The following PRELID2 variants were observed in gnomAD, a reference collection of about 807,000 sequenced individuals.
PRELID2 encodes the protein PRELI domain containing 2, also known as PRELI domain-containing protein 2.
PRELID2 carries 25 observed loss-of-function variants against 28.4 expected under a neutral mutation model. The observed-to-expected ratio is 0.88, with a 90% CI of 0.64 to 1.23. The LOEUF (loss-of-function observed/expected upper bound fraction) is 1.23, where lower values mean the gene tolerates loss of function less well. PRELID2 is among the 50% of genes most tolerant of loss of function. The pLI is 0.00. For synonymous variants in PRELID2, 76 were observed against 71.6 expected (o/e 1.06, Z -0.31); for missense variants, 201 against 214.4 (o/e 0.94, Z 0.39).
At chr5:145,446,881 T>C in the PRELID2 span, among the ~76,000 whole-genome samples, 1 of 151,794 alleles carries the variant, frequency 6.6e-6, no homozygotes, top group South Asian at 2.1e-4. Context: ...ACCTCGTCTC[T>C]ACTAGAAATA....
intron 5 of PRELID2, among the ~76,000 whole-genome samples, chr5:145,772,903 A>G (rs1758197331): frequency 1.3e-5 from 2 of 152,236 alleles, no homozygotes; most frequent in Non-Finnish European, 2.9e-5. Context: ...TTTAAAGACA[A>G]TGTTTTTTCA....
At chr5:145,772,107 A>G (rs1758144831) in intron 5 of PRELID2, among the ~76,000 whole-genome samples, 1 of 152,284 alleles carries the variant, frequency 6.6e-6, no homozygotes, top group South Asian at 2.1e-4. Flanking sequence ...ACCTAATAAT[A>G]ATCTAAAATA....
intron 1 of PRELID2, among the ~76,000 whole-genome samples, chr5:145,685,113 G>C (rs1253389344): frequency 6.6e-6 from 1 of 152,116 alleles, no homozygotes; most frequent in Non-Finnish European, 1.5e-5. Flanking sequence ...AATACATTGA[G>C]AGAATCAGTT....
At chr5:145,600,295 T>C (rs768931816) in intron 1 of PRELID2, among the ~76,000 whole-genome samples, 1 of 151,630 alleles carries the variant, frequency 6.6e-6, no homozygotes, top group Non-Finnish European at 1.5e-5. Context: ...AACAGCTAGA[T>C]CCCGAGTAAA....
the PRELID2 span, among the ~76,000 whole-genome samples, chr5:145,458,784 A>C: frequency 1.3e-5 from 2 of 152,324 alleles, no homozygotes; most frequent in South Asian, 4.1e-4. Context: ...ATTTTGGTAC[A>C]TATTTTACAA....
the PRELID2 span, among the ~76,000 whole-genome samples, chr5:145,447,760 T>C: frequency 8.0e-6 from 1 of 124,472 alleles, no homozygotes; most frequent in African/African-American, 3.1e-5. Context: ...CTGAGAATGA[T>C]GATTTCCAAT....
intron 1 of PRELID2, among the ~76,000 whole-genome samples, chr5:145,549,331 A>C (rs1752813108): frequency 6.6e-6 from 1 of 152,230 alleles, no homozygotes. Flanking sequence ...TGAATAAATG[A>C]ATGAATGAAC....
At chr5:145,496,732 G>C (rs1276871854) in intron 1 of PRELID2, among the ~76,000 whole-genome samples, 1 of 152,020 alleles carries the variant, frequency 6.6e-6, no homozygotes, top group East Asian at 1.9e-4. Flanking sequence ...CCTTTCACAA[G>C]TGCCAAACCT....
the PRELID2 span, among the ~76,000 whole-genome samples, chr5:145,426,282 T>A: frequency 6.6e-6 from 1 of 152,110 alleles, no homozygotes; most frequent in Non-Finnish European, 1.5e-5. Flanking sequence ...AATATAGAAA[T>A]AACTGACATT....
the PRELID2 span, among the ~76,000 whole-genome samples, chr5:145,284,850 G>T: frequency 1.3e-5 from 2 of 151,966 alleles, no homozygotes; most frequent in African/African-American, 4.8e-5. Flanking sequence ...AATTTTAAAA[G>T]ATATTTGAGA....
the PRELID2 span, among the ~76,000 whole-genome samples, chr5:145,414,749 T>C: frequency 1.3e-5 from 2 of 152,192 alleles, no homozygotes; most frequent in Non-Finnish European, 1.5e-5. Flanking sequence ...ATGAGTGCAA[T>C]TTCAACCACC....
chr5:145,304,111 C>T, the PRELID2 span, among the ~76,000 whole-genome samples: 7 of 151,874 alleles, frequency 4.6e-5, no homozygotes, highest in South Asian at 8.3e-4. Context: ...TCATTTATAT[C>T]GTTTATAAAA....
the PRELID2 span, among the ~76,000 whole-genome samples, chr5:145,236,977 T>C: frequency 5.9e-5 from 9 of 152,172 alleles, no homozygotes; most frequent in Non-Finnish European, 1.2e-4. Context: ...TGCGTTGATG[T>C]TGGATTTGGC....
At chr5:145,332,775 G>A in the PRELID2 span, among the ~76,000 whole-genome samples, 17 of 151,960 alleles carry the variant, frequency 1.1e-4, no homozygotes, top group Admixed American at 2.0e-4. Context: ...CTGTCAATTC[G>A]TCAAACTCAT....
At chr5:145,554,065 G>C (rs745659285) in intron 1 of PRELID2, among the ~76,000 whole-genome samples, 3 of 152,206 alleles carry the variant, frequency 2.0e-5, no homozygotes, top group Non-Finnish European at 2.9e-5. Context: ...CTAGATGTTA[G>C]TTGTCTATAT....
chr5:145,615,328 T>G (rs1018534139), intron 1 of PRELID2, among the ~76,000 whole-genome samples: 2 of 1,206 alleles, frequency 1.7e-3, no homozygotes, highest in South Asian at 0.083. Flanking sequence ...CTTTTTTTTG[T>G]TTTTTTTTTT....
At chr5:145,538,837 C>T in intron 1 of PRELID2, among the ~76,000 whole-genome samples, 1 of 151,788 alleles carries the variant, frequency 6.6e-6, no homozygotes, top group Non-Finnish European at 1.5e-5. Context: ...TAGTTATGAA[C>T]TTCAGTGAAT....
chr5:145,332,747 A>G, the PRELID2 span, among the ~76,000 whole-genome samples: 1 of 151,872 alleles, frequency 6.6e-6, no homozygotes, highest in African/African-American at 2.4e-5. Context: ...GTTATTACCC[A>G]CCTTCTGAAG....
the PRELID2 span, among the ~76,000 whole-genome samples, chr5:145,333,497 T>C: frequency 1.3e-5 from 2 of 152,188 alleles, no homozygotes; most frequent in African/African-American, 4.8e-5. Flanking sequence ...AGAGGCAGTC[T>C]GGCTACAGCA....
Sources: allele counts gnomAD v4.1 joint callset (sites outside exome capture counted in the v4.1 genomes callset), GRCh38; gene constraint gnomAD v4.1.1; transcripts MANE v1.5; gene names NCBI Gene and HGNC (gene_info 2026-07-23, HGNC 2026-07-21).